Variants in MRTFB observed in about 807,000 individuals in gnomAD.
MRTFB encodes myocardin-related transcription factor B.
Under a neutral mutation model 104.2 loss-of-function variants are expected in MRTFB, and 29 were observed. The ratio of observed to expected loss-of-function variants is 0.28; its 90% confidence interval spans 0.21 to 0.38. The LOEUF is 0.38. Among genes scored for constraint, MRTFB ranks in the 10% least tolerant of loss-of-function variants. MRTFB has a pLI of 1.00. For synonymous variants in MRTFB, 535 were observed against 519.5 expected (o/e 1.03, Z -0.41); for missense variants, 1,270 against 1,341.6 (o/e 0.95, Z 0.83).
At chr16:14,113,148 A>G (rs1195287095) in intron 2 of MRTFB, among the ~76,000 whole-genome samples, 2 of 152,184 alleles carry the variant, frequency 1.3e-5, no homozygotes, top group Non-Finnish European at 2.9e-5. Context: ...GGTTCAAGCC[A>G]TTCTCTCACC....
chr16:14,062,634 G>T, the MRTFB span, among the ~76,000 whole-genome samples: 4 of 152,290 alleles, frequency 2.6e-5, no homozygotes, highest in Admixed American at 2.6e-4. Context: ...CGACGTCCTT[G>T]GATGGAAACG....
chr16:14,126,256 A>G (rs1164855615), intron 2 of MRTFB, among the ~76,000 whole-genome samples: 1 of 152,150 alleles, frequency 6.6e-6, no homozygotes, highest in Non-Finnish European at 1.5e-5. Context: ...CCAGATACCT[A>G]GAAATCCAAA....
intron 8 of MRTFB, among the ~76,000 whole-genome samples, chr16:14,228,910 G>T (rs967971999): frequency 1.3e-5 from 2 of 152,146 alleles, no homozygotes; most frequent in African/African-American, 4.8e-5. Flanking sequence ...TTGCCTGGGG[G>T]TGAGGGGAAT....
intron 13 of MRTFB, among the ~76,000 whole-genome samples, chr16:14,249,450 T>C (rs1478255635): frequency 6.6e-6 from 1 of 152,238 alleles, no homozygotes; most frequent in Non-Finnish European, 1.5e-5. Flanking sequence ...GAAAAGGTAT[T>C]TGAAGATGAA....
the MRTFB span, among the ~76,000 whole-genome samples, chr16:14,040,352 C>T: frequency 6.6e-6 from 1 of 152,136 alleles, no homozygotes; most frequent in African/African-American, 2.4e-5. Context: ...TTATAGAATA[C>T]ATGTATTTTA....
Position 14,178,203 on chromosome 16 carries a change from C to T in MRTFB, c.155-32040C>T, listed in dbSNP as rs565833210. On this transcript the variant is annotated intron_variant, in intron 3 of 16. Coordinates refer to ENST00000571589, the MANE Select transcript of MRTFB (RefSeq NM_001308142.2). Reference sequence around the variant, plus strand: ...ATGGCAAGAAAAAAATTTACTTCTTCCTCAAAGATGGAAGGATGGGAGTGG... The same window carrying T: ...ATGGCAAGAAAAAAATTTACTTCTTTCTCAAAGATGGAAGGATGGGAGTGG... Among the ~76,000 whole-genome samples the T allele has an allele frequency of 5.9e-5, 9 of 152,230 alleles. No individual in the cohort carries two copies. In the South Asian group the frequency reaches 1.9e-3, roughly 32 times the overall value.
intron 3 of MRTFB, among the ~76,000 whole-genome samples, chr16:14,158,994 A>G (rs900966290): frequency 6.1e-5 from 9 of 147,800 alleles, no homozygotes; most frequent in Admixed American, 5.4e-4. Flanking sequence ...AAAAAAAAAA[A>G]CTTAGGTGTT....
the MRTFB span, among the ~76,000 whole-genome samples, chr16:14,043,138 C>A: frequency 6.6e-6 from 1 of 152,148 alleles, no homozygotes; most frequent in Admixed American, 6.5e-5. Context: ...ATGGGATATG[C>A]AATGGGTGTT....
At chr16:14,233,762 C>G (rs1462643210) in intron 8 of MRTFB, among the ~76,000 whole-genome samples, 2 of 142,690 alleles carry the variant, frequency 1.4e-5, no homozygotes, top group Non-Finnish European at 3.0e-5. Flanking sequence ...TGCATTCCAG[C>G]CTGAGTGAGA....
chr16:14,214,343 T>C (rs2041324068), intron 6 of MRTFB, among the ~76,000 whole-genome samples: 1 of 152,194 alleles, frequency 6.6e-6, no homozygotes, highest in Non-Finnish European at 1.5e-5. Flanking sequence ...GTGTTAAGTA[T>C]TGAGAAGATA....
In MRTFB at chr16:14,263,437, C is replaced by T. The variant is rs2151490670; in HGVS notation, c.*1993C>T. The T allele has an allele frequency of 6.6e-6, 1 of 152,312 alleles. No individual in the cohort carries two copies. Among genetic ancestry groups the T allele is most frequent in the East Asian group, 1.9e-4 (1 of 5,188 alleles). 9.4% of individuals were successfully genotyped at this position (152,312 alleles called of 1,614,324 possible). A position where few individuals can be genotyped will look rare whatever the true frequency, so the allele number is the denominator to read the frequency against. On this transcript the variant is annotated 3_prime_UTR_variant, in exon 17 of 17. Transcript: ENST00000571589. ...TTTTGCTGAGGGTTTCTGTCTGGGC[C>T]TATCAGGTCCATACTTAGACCCTGA...
intron 9 of MRTFB, among the ~76,000 whole-genome samples, chr16:14,239,883 A>G (rs1172326707): frequency 2.0e-5 from 3 of 152,126 alleles, no homozygotes; most frequent in African/African-American, 7.2e-5. Flanking sequence ...ACCTTTTCCC[A>G]TTGTATATTT....
chr16:14,030,830 T>A, the MRTFB span, among the ~76,000 whole-genome samples: 2 of 152,170 alleles, frequency 1.3e-5, no homozygotes, highest in Non-Finnish European at 2.9e-5. Context: ...TATGTCATGG[T>A]ATGCAAGAGG....
the MRTFB span, among the ~76,000 whole-genome samples, chr16:14,008,706 T>A: frequency 6.6e-6 from 1 of 152,196 alleles, no homozygotes; most frequent in Non-Finnish European, 1.5e-5. Flanking sequence ...GTTTGTTAAC[T>A]TCTGCAAAAA....
chr16:14,171,930 G>T (rs1381568276), intron 3 of MRTFB, among the ~76,000 whole-genome samples: 2 of 152,110 alleles, frequency 1.3e-5, no homozygotes, highest in Admixed American at 6.6e-5. Flanking sequence ...AGTTGTTAAG[G>T]TTGATTCTGT....
chr16:14,206,792 C>T (rs1309646226), intron 3 of MRTFB, among the ~76,000 whole-genome samples: 3 of 152,114 alleles, frequency 2.0e-5, no homozygotes, highest in African/African-American at 7.2e-5. Context: ...CTGCCAGTCT[C>T]GTCCCGGCCT....
intron 3 of MRTFB, among the ~76,000 whole-genome samples, chr16:14,190,487 A>G (rs544467944): frequency 6.6e-6 from 1 of 152,352 alleles, no homozygotes; most frequent in African/African-American, 2.4e-5. Context: ...GTGGGTCATT[A>G]TTGAGATAAA....
the MRTFB span, among the ~76,000 whole-genome samples, chr16:14,001,398 G>T: frequency 2.4e-3 from 358 of 152,312 alleles, 1 homozygote; most frequent in South Asian, 5.4e-3. Context: ...TTCAAAGCCA[G>T]TGGGAAAGAT....
chr16:14,127,511 G>A (rs1241489522), intron 2 of MRTFB, among the ~76,000 whole-genome samples: 4 of 151,922 alleles, frequency 2.6e-5, no homozygotes, highest in African/African-American at 7.3e-5. Context: ...AGGCGTGGTG[G>A]TGGGCGCCTG....
Sources: gnomAD v4.1 joint callset for allele counts (sites outside exome capture counted in the v4.1 genomes callset) on GRCh38, gnomAD v4.1.1 for gene constraint, MANE v1.5 for transcripts, NCBI Gene and HGNC (gene_info 2026-07-23, HGNC 2026-07-21) for gene names.